ADAMTSL1: variants seen among roughly 807,000 people sequenced by gnomAD.
ADAMTSL1 encodes ADAMTS-like protein 1.
A neutral mutation model predicts 201.8 loss-of-function variants in ADAMTSL1; 126 were observed. The ratio of observed to expected loss-of-function variants is 0.62; its 90% CI spans 0.54 to 0.72. The LOEUF (loss-of-function observed/expected upper bound fraction) is 0.72. Among genes scored for constraint, ADAMTSL1 ranks in the 30% least tolerant of loss-of-function variants. ADAMTSL1 has a pLI of 0.00. For missense variants in ADAMTSL1, 2,679 were observed against 2,277.8 expected (o/e 1.18, Z -3.59); for synonymous variants, 1,121 against 903.4 (o/e 1.24, Z -4.32).
At chr9:18,003,807 A>G (rs1034414950) in intron 1 of ADAMTSL1, among the ~76,000 whole-genome samples, 3 of 152,048 alleles carry the variant, frequency 2.0e-5, no homozygotes, top group Non-Finnish European at 2.9e-5. Context: ...CAGCCTTACC[A>G]TATGAAATAA....
chr9:18,424,225 A>T (rs1318018987), intron 2 of ADAMTSL1, among the ~76,000 whole-genome samples: 7 of 152,184 alleles, frequency 4.6e-5, no homozygotes, highest in Non-Finnish European at 1.0e-4. Flanking sequence ...CTCTCTGATG[A>T]CCCTCTCAGC....
rs115554144 is a variant in ADAMTSL1 at position 18,790,841 on chromosome 9, G to C, written c.3678-4556G>C. Among the ~76,000 whole-genome samples, 857 of 152,254 alleles carry C rather than the reference G, an allele frequency of 5.6e-3. 3 individuals are homozygous for C. Among genetic ancestry groups the C allele is most frequent in the African/African-American group, 0.02 (821 of 41,540 alleles). On this transcript the variant is annotated intron_variant, in intron 19 of 28. Transcript: ENST00000380548. ...CTAGAAAAATAAAAAGTGTGGTACAGGTCTGGGAGGAAGTCAAGGAGTATT... is the reference window on the plus strand; with the variant it reads ...CTAGAAAAATAAAAAGTGTGGTACACGTCTGGGAGGAAGTCAAGGAGTATT...
intron 2 of ADAMTSL1, among the ~76,000 whole-genome samples, chr9:18,210,429 ATATAT>A (rs567195330): frequency 0.035 from 5,146 of 146,812 alleles, 136 homozygotes; most frequent in Middle Eastern, 0.08. Context: ...ATATTAATAA[ATATAT>A]TATGTATGAT....
chr9:18,709,104 T>G (rs1406798505), intron 14 of ADAMTSL1, among the ~76,000 whole-genome samples: 1 of 152,222 alleles, frequency 6.6e-6, no homozygotes, highest in Non-Finnish European at 1.5e-5. Flanking sequence ...TGTCAACAAC[T>G]GAACCTACTT....
chr9:18,566,258 C>T (rs895188442), intron 3 of ADAMTSL1, among the ~76,000 whole-genome samples: 6 of 152,126 alleles, frequency 3.9e-5, no homozygotes, highest in Admixed American at 6.6e-5. Flanking sequence ...AAAAATATGA[C>T]GTCTGTTTCC....
intron 2 of ADAMTSL1, among the ~76,000 whole-genome samples, chr9:18,259,928 G>T (rs1199154519): frequency 2.0e-5 from 3 of 152,084 alleles, no homozygotes; most frequent in Non-Finnish European, 2.9e-5. Flanking sequence ...ATCTTTCTTT[G>T]TAACTACTTA....
chr9:18,402,791 T>G (rs1378150236), intron 2 of ADAMTSL1, among the ~76,000 whole-genome samples: 3 of 152,180 alleles, frequency 2.0e-5, no homozygotes, highest in Non-Finnish European at 4.4e-5. Flanking sequence ...ATCCAGGGCC[T>G]GGAATTAGGG....
intron 2 of ADAMTSL1, among the ~76,000 whole-genome samples, chr9:18,305,813 C>G (rs191255576): frequency 4.4e-4 from 67 of 152,258 alleles, no homozygotes; most frequent in Admixed American, 1.1e-3. Flanking sequence ...GCCTGTTGGC[C>G]TTGAAGAGAG....
chr9:17,928,029 C>G (rs150268519), intron 1 of ADAMTSL1, among the ~76,000 whole-genome samples: 6 of 149,674 alleles, frequency 4.0e-5, no homozygotes, highest in South Asian at 2.1e-4. Flanking sequence ...GGGTCTTGCT[C>G]TGTCGCCCAG....
chr9:18,535,584 T>G (rs1174280982), intron 3 of ADAMTSL1, among the ~76,000 whole-genome samples: 1 of 152,190 alleles, frequency 6.6e-6, no homozygotes, highest in Non-Finnish European at 1.5e-5. Context: ...CTGATACCAT[T>G]TTACTGTATT....
Position 18,085,473 on chromosome 9 carries a change from A to ATGTGTGTGCATATATATATATATATAC in ADAMTSL1, c.88-78368_88-78342dup, listed in dbSNP as rs1203591899. 6.6e-3 allele frequency among the ~76,000 whole-genome samples: 357 copies of ATGTGTGTGCATATATATATATATATAC among 54,270 alleles called. 1 individual carries two copies. The highest frequency in any genetic ancestry group is 0.022 in the Middle Eastern group (3 of 136). 35.6% of individuals were successfully genotyped at this position (54,270 alleles called of 152,430 possible). ...GTACCATATATACACAAATACACAT[A>ATGTGTGTGCATATATATATATATATAC]TGTGTGTGCATATATATATATATAT... On this transcript the variant is annotated intron_variant, in intron 1 of 29. Coordinates refer to the ADAMTSL1 transcript ENST00000680146.
intron 3 of ADAMTSL1, 61 bp downstream of exon 3, chr9:18,533,353 C>A: frequency 7.0e-7 from 1 of 1,427,684 alleles, no homozygotes; most frequent in African/African-American, 1.4e-5. Context: ...TGGTGCTAAG[C>A]AGTTTTATAT....
chr9:18,025,812 G>A (rs1233481790), intron 1 of ADAMTSL1, among the ~76,000 whole-genome samples: 1 of 152,056 alleles, frequency 6.6e-6, no homozygotes, highest in African/African-American at 2.4e-5. Context: ...AGCTTGATAG[G>A]AGTAGTGTTG....
At chr9:17,990,104 G>A (rs1386278323) in intron 1 of ADAMTSL1, among the ~76,000 whole-genome samples, 1 of 151,596 alleles carries the variant, frequency 6.6e-6, no homozygotes, top group African/African-American at 2.4e-5. Flanking sequence ...GGGGTGGGGG[G>A]CACACAAGAA....
At chr9:18,426,591 C>A (rs577367173) in intron 2 of ADAMTSL1, among the ~76,000 whole-genome samples, 3 of 152,220 alleles carry the variant, frequency 2.0e-5, no homozygotes, top group Non-Finnish European at 2.9e-5. Flanking sequence ...TCATTTTCTG[C>A]TTGTGAGGTA....
chr9:17,978,858 G>T (rs997455853), intron 1 of ADAMTSL1, among the ~76,000 whole-genome samples: 38 of 151,978 alleles, frequency 2.5e-4, no homozygotes, highest in Non-Finnish European at 5.1e-4. Context: ...ATAAGGCAGG[G>T]CTAGTGACAA....
At chr9:18,736,192 A>G (rs1276559897) in intron 15 of ADAMTSL1, among the ~76,000 whole-genome samples, 1 of 152,190 alleles carries the variant, frequency 6.6e-6, no homozygotes, top group Non-Finnish European at 1.5e-5. Flanking sequence ...TTGGAGCCAG[A>G]TCTCCCTCAC....
chr9:18,693,561 A>G (rs1456278640), intron 13 of ADAMTSL1, among the ~76,000 whole-genome samples: 1 of 152,178 alleles, frequency 6.6e-6, no homozygotes, highest in Non-Finnish European at 1.5e-5. Context: ...AATATGACTT[A>G]GTTTCTTAGA....
At chr9:18,568,966 A>C (rs1432678810) in intron 3 of ADAMTSL1, among the ~76,000 whole-genome samples, 3 of 152,222 alleles carry the variant, frequency 2.0e-5, no homozygotes, top group Non-Finnish European at 4.4e-5. Flanking sequence ...TTTAAAAAGA[A>C]TGAAAATAAA....
Sources: gnomAD v4.1 joint callset for allele counts (sites outside exome capture counted in the v4.1 genomes callset) on GRCh38, gnomAD v4.1.1 for gene constraint, MANE v1.5 for transcripts, NCBI Gene and HGNC (gene_info 2026-07-23, HGNC 2026-07-21) for gene names.